WDR33: variants seen among roughly 807,000 people sequenced by gnomAD.
The protein encoded by WDR33 is pre-mRNA 3' end processing protein WDR33.
In WDR33, 47 loss-of-function variants were observed where a neutral mutation model predicts 164.9. The ratio of observed to expected loss-of-function variants is 0.29; its 90% CI spans 0.23 to 0.36. WDR33 has a LOEUF of 0.36. WDR33 is among the 10% of genes least tolerant of loss of function. The pLI, the probability that WDR33 is intolerant of heterozygous loss-of-function variation, is 1.00. For missense variants in WDR33, 1,137 were observed against 1,754.1 expected (o/e 0.65, Z 6.28); for synonymous variants, 505 against 589.0 (o/e 0.86, Z 2.06).
chr2:127,798,757 A>G (rs1054780866), intron 1 of WDR33: 2 of 152,166 alleles, frequency 1.3e-5, no homozygotes, highest in Non-Finnish European at 2.9e-5. Flanking sequence ...AGTTAAACAA[A>G]TATCTAAAAA....
intron 4 of WDR33, among the ~76,000 whole-genome samples, chr2:127,765,914 A>T (rs1361406245): frequency 6.6e-6 from 1 of 152,156 alleles, no homozygotes. Context: ...ACTACACCAA[A>T]AGTTTTAATT....
chr2:127,789,889 G>A (rs1157339918), intron 1 of WDR33, among the ~76,000 whole-genome samples: 1 of 152,142 alleles, frequency 6.6e-6, no homozygotes, highest in Non-Finnish European at 1.5e-5. Context: ...AGGCTGGAGT[G>A]CAGTGGTGTG....
intron 1 of WDR33, among the ~76,000 whole-genome samples, chr2:127,784,746 T>C (rs575187533): frequency 6.6e-6 from 1 of 152,308 alleles, no homozygotes; most frequent in African/African-American, 2.4e-5. Context: ...GTCCTGCAAT[T>C]TGAATGGAAC....
At chr2:127,756,035 G>T (rs1390241712) in intron 7 of WDR33, among the ~76,000 whole-genome samples, 1 of 151,962 alleles carries the variant, frequency 6.6e-6, no homozygotes, top group African/African-American at 2.4e-5. Context: ...CAGTTTTCTG[G>T]TATACCATAA....
intron 7 of WDR33, among the ~76,000 whole-genome samples, chr2:127,730,653 A>T (rs571862281): frequency 1.3e-5 from 2 of 148,308 alleles, no homozygotes; most frequent in South Asian, 4.4e-4. Flanking sequence ...CAAAACACAC[A>T]AACTATACAT....
chr2:127,799,813 G>A (rs545500360), intron 1 of WDR33, among the ~76,000 whole-genome samples: 45 of 152,312 alleles, frequency 3.0e-4, no homozygotes, highest in African/African-American at 1.0e-3. Flanking sequence ...AGGACTGCTT[G>A]AGCCCAAGAG....
chr2:127,794,217 C>T (rs184380018), intron 1 of WDR33, among the ~76,000 whole-genome samples: 25 of 151,904 alleles, frequency 1.6e-4, no homozygotes, highest in Admixed American at 1.5e-3. Context: ...GAAAGAAAGC[C>T]GGCCAGGCAC....
At position 127,712,037 on chromosome 2, in the gene WDR33, G is replaced by A. The variant is rs1467995422; in HGVS notation, c.3308+1546C>T. Among the ~76,000 whole-genome samples the A allele has an allele frequency of 2.0e-5, 3 of 151,530 alleles. No individual in the cohort carries two copies. The highest frequency in any genetic ancestry group is 4.4e-5 in the Non-Finnish European group (3 of 67,890). ...TACACCCACCTCGGCCTCCCAAAGTGCTGGGATTACAAGCGTGAGCCACTG... is the reference window on the plus strand; with the variant it reads ...TACACCCACCTCGGCCTCCCAAAGTACTGGGATTACAAGCGTGAGCCACTG... On this transcript the variant is annotated intron_variant, in intron 18 of 21. Coordinates refer to ENST00000322313, the MANE Select transcript of WDR33 (RefSeq NM_018383.5). The surrounding 1 kb of genome is among the most constrained non-coding windows in gnomAD (Gnocchi z 4.0).
chr2:127,803,616 A>G (rs56368609), intron 1 of WDR33, among the ~76,000 whole-genome samples: 9,960 of 152,168 alleles, frequency 0.065, 436 homozygotes, highest in Middle Eastern at 0.16. Context: ...TTTTAATATC[A>G]TGTTTTCTAG....
chr2:127,738,049 A>G lies in WDR33; in HGVS notation c.725-11272T>C. ...AAGTAACAACGGCAGTGATGAAAACATGTATCTATCAAAACAAGAAGGGTG... is the reference window on the plus strand; with the variant it reads ...AAGTAACAACGGCAGTGATGAAAACGTGTATCTATCAAAACAAGAAGGGTG... On this transcript the variant is annotated intron_variant, in intron 7 of 21. Transcript: ENST00000322313. This position sits in a 1 kb window ranked among gnomAD's most constrained non-coding sequence, Gnocchi z 4.4. The G allele has an allele frequency of 1.9e-6, 3 of 1,612,912 alleles. No individual in the cohort carries two copies. The highest frequency in any genetic ancestry group is 2.5e-6 in the Non-Finnish European group (3 of 1,179,452).
intron 7 of WDR33, among the ~76,000 whole-genome samples, chr2:127,751,301 C>A (rs568828153): frequency 6.6e-6 from 1 of 151,342 alleles, no homozygotes; most frequent in African/African-American, 2.4e-5. Context: ...GTGGAGGCTG[C>A]GGTAAGCCAA....
Position 127,701,672 on chromosome 2 carries a change from C to A in WDR33, c.*4651G>T, listed in dbSNP as rs1685884884. On this transcript the variant is annotated 3_prime_UTR_variant, in exon 22 of 22. Transcript: ENST00000322313. ...CGGAGGAGTGGCTGGGCCGCGCGGG[C>A]TTGCGCTGGACGTGGGCGCGGAGCC... 8.5e-6 allele frequency: 11 copies of A among 1,297,894 alleles called. No individual in the cohort carries two copies. The highest frequency in any genetic ancestry group is 1.1e-5 in the Non-Finnish European group (11 of 1,028,472). 80.4% of individuals were successfully genotyped at this position (1,297,894 alleles called of 1,614,324 possible). A position where few individuals can be genotyped will look rare whatever the true frequency, so the allele number is the denominator to read the frequency against.
At chr2:127,780,263 T>G (rs1274839296) in intron 1 of WDR33, among the ~76,000 whole-genome samples, 2 of 152,162 alleles carry the variant, frequency 1.3e-5, no homozygotes, top group Non-Finnish European at 2.9e-5. Context: ...AGTTTTAAGA[T>G]TCCCACCTCC....
chr2:127,789,532 TC>T (rs1688767998), intron 1 of WDR33, among the ~76,000 whole-genome samples: 2 of 147,984 alleles, frequency 1.4e-5, no homozygotes, highest in South Asian at 4.4e-4. Flanking sequence ...AAACCCCGTC[TC>T]CACCAAAACC....
intron 1 of WDR33, among the ~76,000 whole-genome samples, chr2:127,800,562 A>G (rs1689200334): frequency 6.6e-6 from 1 of 150,516 alleles, no homozygotes; most frequent in Non-Finnish European, 1.5e-5. Context: ...GCATGAACCC[A>G]GGAGTCGGAG....
intron 1 of WDR33, among the ~76,000 whole-genome samples, chr2:127,784,059 A>G (rs961867765): frequency 2.6e-5 from 4 of 152,192 alleles, no homozygotes; most frequent in Non-Finnish European, 5.9e-5. Flanking sequence ...TTCCTTTCCC[A>G]AAAGCAATTA....
chr2:127,720,379 T>C lies in WDR33; in HGVS notation c.1672-26A>G. 2.0e-6 allele frequency: 3 copies of C among 1,505,054 alleles called. No homozygotes were observed. Among genetic ancestry groups the C allele is most frequent in the Non-Finnish European group, 1.8e-6 (2 of 1,128,868 alleles). 93.2% of individuals were successfully genotyped at this position (1,505,054 alleles called of 1,614,324 possible). The stretch of plus-strand genomic sequence containing the variant: ...CTGGAAAGAAAGAAAGAAAAAAGCA[T>C]GTTGAATAAACAGGCCAGAGCCCTT... On this transcript the variant is annotated intron_variant, in intron 15 of 21. Coordinates refer to ENST00000322313, the MANE Select transcript of WDR33 (RefSeq NM_018383.5). The surrounding 1 kb of genome is among the most constrained non-coding windows in gnomAD (Gnocchi z 5.9).
chr2:127,782,508 A>C (rs1688410656), intron 1 of WDR33, among the ~76,000 whole-genome samples: 1 of 152,038 alleles, frequency 6.6e-6, no homozygotes, highest in Non-Finnish European at 1.5e-5. Flanking sequence ...TAGTTGCATA[A>C]TTTTTCATAA....
intron 1 of WDR33, among the ~76,000 whole-genome samples, chr2:127,780,048 ACTGCAAGCTCCG>A (rs1688318106): frequency 6.8e-6 from 1 of 146,386 alleles, no homozygotes; most frequent in African/African-American, 2.6e-5. Context: ...ATCTCGGCTC[ACTGCAAGCTCCG>A]CCTCCCGGGT....
Sources: gnomAD v4.1 joint callset for allele counts (sites outside exome capture counted in the v4.1 genomes callset) on GRCh38, gnomAD v4.1.1 for gene constraint, Gnocchi (gnomAD v3.1) non-coding constraint, MANE v1.5 for transcripts, NCBI Gene and HGNC (gene_info 2026-07-23, HGNC 2026-07-21) for gene names.